Variants in SFTPD observed in about 807,000 individuals in gnomAD.
SFTPD encodes the protein pulmonary surfactant-associated protein D.
SFTPD carries 18 observed loss-of-function variants against 34.6 expected under a neutral mutation model. The ratio of observed to expected loss-of-function variants is 0.52; its 90% CI spans 0.36 to 0.77. SFTPD has a LOEUF of 0.77. Among genes scored for constraint, SFTPD ranks in the 30% least tolerant of loss-of-function variants. The pLI, the probability that SFTPD is intolerant of heterozygous loss-of-function variation, is 0.00. For synonymous variants in SFTPD, 155 were observed against 180.9 expected (o/e 0.86, Z 1.15); for missense variants, 433 against 468.9 (o/e 0.92, Z 0.71).
rs1446006808 is a variant in SFTPD at position 79,949,085 on chromosome 10, C to T, written c.-23G>A. 1 of 152,106 alleles carries T rather than the reference C, an allele frequency of 6.6e-6. No homozygotes were observed. The highest frequency in any genetic ancestry group is 1.5e-5 in the Non-Finnish European group (1 of 68,026). 9.4% of individuals were successfully genotyped at this position (152,106 alleles called of 1,614,324 possible). ...ACTTACAGGTTTCTTTTTGTTAGGC[C>T]CCAGGAGCTCCAAGCAAACTAGCCT... is the stretch of plus-strand genomic sequence containing the variant. On this transcript the variant is annotated 5_prime_UTR_variant, in exon 1 of 8. Coordinates refer to ENST00000372292, the MANE Select transcript of SFTPD (RefSeq NM_003019.5).
chr10:79,941,308 C>G, intron 6 of SFTPD, 90 bp downstream of exon 6: 1 of 1,131,028 alleles, frequency 8.8e-7, no homozygotes, highest in East Asian at 2.3e-5. Flanking sequence ...GGCACACATC[C>G]CAGAGCCCCT....
chr10:79,970,531 T>C (rs1842829550), intron 1 of SFTPD: 1 of 152,198 alleles, frequency 6.6e-6, no homozygotes, highest in Admixed American at 6.5e-5. Context: ...TTTTGTGATC[T>C]CTTCAATTTC....
chr10:79,974,040 CCA>C (rs112852036), intron 1 of SFTPD, among the ~76,000 whole-genome samples: 11,886 of 152,026 alleles, frequency 0.078, 912 homozygotes, highest in East Asian at 0.39. Context: ...AGACACACAC[CCA>C]CACACACACA....
At chr10:79,952,852 C>T (rs1376569730), upstream of SFTPD, among the ~76,000 whole-genome samples, 1 of 152,184 alleles carries the variant, frequency 6.6e-6, no homozygotes, top group Non-Finnish European at 1.5e-5. Flanking sequence ...TAAAGAAGTT[C>T]CCAAATTGCC....
intron 2 of SFTPD, among the ~76,000 whole-genome samples, chr10:79,943,180 C>G (rs1041098941): frequency 3.3e-5 from 5 of 152,256 alleles, no homozygotes; most frequent in Non-Finnish European, 7.3e-5. Flanking sequence ...TCAGCTCTTA[C>G]CTGTGATCAT....
chr10:79,941,664 A>G, intron 5 of SFTPD, 150 bp from the exon 6 acceptor site: 1 of 652,128 alleles, frequency 1.5e-6, no homozygotes, highest in South Asian at 1.9e-5. Context: ...CTCCCTGTAC[A>G]CTGACTGTCC....
At chr10:79,965,554 A>ATTTTTTTTTTTTTTTTTTTTTTTT (rs1842799138) in intron 1 of SFTPD, among the ~76,000 whole-genome samples, 1 of 61,650 alleles carries the variant, frequency 1.6e-5, no homozygotes, top group Non-Finnish European at 3.0e-5. Flanking sequence ...TTTTTTTTTA[A>ATTTTTTTTTTTTTTTTTTTTTTTT]TTTTTTATTT....
At chr10:79,962,516 T>G (rs1400384309) in intron 1 of SFTPD, among the ~76,000 whole-genome samples, 1 of 152,066 alleles carries the variant, frequency 6.6e-6, no homozygotes, top group African/African-American at 2.4e-5. Context: ...ATTAATAGCT[T>G]TATAATTTTC....
At chr10:79,940,202 C>T (rs1564528279) in intron 7 of SFTPD, among the ~76,000 whole-genome samples, 1 of 152,198 alleles carries the variant, frequency 6.6e-6, no homozygotes, top group Admixed American at 6.5e-5. Flanking sequence ...TCACTGGGGA[C>T]TCCCATACCT....
chr10:79,950,204 G>T (rs1842701936), upstream of SFTPD: 1 of 152,162 alleles, frequency 6.6e-6, no homozygotes, highest in Admixed American at 6.5e-5. Flanking sequence ...ATATTGATAT[G>T]TGATGTTTTG....
chr10:79,969,852 G>A (rs954559653), intron 1 of SFTPD: 3 of 152,078 alleles, frequency 2.0e-5, no homozygotes, highest in Admixed American at 6.6e-5. Flanking sequence ...TAACTCTGAT[G>A]TTTGTTCTTT....
intron 1 of SFTPD, among the ~76,000 whole-genome samples, chr10:79,947,790 G>A (rs1477429574): frequency 1.3e-5 from 2 of 152,214 alleles, no homozygotes; most frequent in Non-Finnish European, 2.9e-5. Context: ...TACCCAACAG[G>A]GCACCCATTT....
At chr10:79,940,845 A>G (rs1842604063) in intron 6 of SFTPD, 57 bp from the exon 7 acceptor site, 2 of 1,181,856 alleles carry the variant, frequency 1.7e-6, no homozygotes, top group African/African-American at 3.0e-5. Context: ...GGAAGAGCTC[A>G]GAGTCTGGGC....
At chr10:79,940,879 C>T (rs1005357570) in intron 6 of SFTPD, 91 bp from the exon 7 acceptor site, 19 of 826,188 alleles carry the variant, frequency 2.3e-5, no homozygotes, top group East Asian at 1.8e-4. Context: ...TGTCTAGTTT[C>T]GGGCACATAT....
chr10:79,942,573 A>T (rs1842625031), intron 3 of SFTPD, 69 bp from the exon 4 acceptor site: 4 of 1,114,802 alleles, frequency 3.6e-6, no homozygotes, highest in Non-Finnish European at 5.5e-6. Flanking sequence ...TAGTAAGGTG[A>T]GGGTAATAAC....
chr10:79,970,469 C>T (rs1161619412), intron 1 of SFTPD: 1 of 152,056 alleles, frequency 6.6e-6, no homozygotes, highest in African/African-American at 2.4e-5. Context: ...GTAGTATGGT[C>T]ATTTTAACGG....
intron 1 of SFTPD, among the ~76,000 whole-genome samples, chr10:79,960,105 TA>T (rs1233095628): frequency 6.6e-6 from 1 of 152,040 alleles, no homozygotes; most frequent in African/African-American, 2.4e-5. Context: ...ACCTTCATGC[TA>T]AAAACTCTCA....
chr10:79,957,961 A>G (rs1278982713), intron 1 of SFTPD, among the ~76,000 whole-genome samples: 1 of 152,210 alleles, frequency 6.6e-6, no homozygotes, highest in African/African-American at 2.4e-5. Context: ...CTCAGCAGAA[A>G]CTCTACAAGC....
Position 79,940,755 on chromosome 10 carries a change from A to G in SFTPD, c.701T>C (p.Leu234Ser), listed in dbSNP as rs1364635352. 1.2e-6 allele frequency: 2 copies of G among 1,612,308 alleles called. No homozygotes were observed. The highest frequency in any genetic ancestry group is 2.2e-5 in the South Asian group (2 of 91,002). Residue 234 changes from leucine to serine, a missense_variant, in exon 7 of 8, where the codon TTA (leucine) becomes TCA (serine). By Grantham distance (145) the Leu-to-Ser change is moderately radical (BLOSUM62 -2). Coordinates refer to ENST00000372292, the MANE Select transcript of SFTPD (RefSeq NM_003019.5). The part of the protein sequence containing the change: ...VASLRQQVEA[L>S]QGQVQHLQAA... ...CTGGAGGTGCTGTACTTGTCCCTGT[A>G]AGGCCTCAACCTGCTGCCTCAGAGA...
Sources: allele counts gnomAD v4.1 joint callset (sites outside exome capture counted in the v4.1 genomes callset), GRCh38; gene constraint gnomAD v4.1.1; transcripts MANE v1.5; gene names NCBI Gene and HGNC (gene_info 2026-07-23, HGNC 2026-07-21).